Variants in DLGAP2 observed in about 807,000 individuals in gnomAD.
DLGAP2 encodes the protein disks large-associated protein 2.
In DLGAP2, 26 loss-of-function variants were observed where a neutral mutation model predicts 100.3. The ratio of observed to expected loss-of-function variants is 0.26; its 90% CI spans 0.19 to 0.36. The LOEUF is 0.36. Among genes scored for constraint, DLGAP2 ranks in the 10% least tolerant of loss-of-function variants. The pLI, the probability that DLGAP2 is intolerant of heterozygous loss-of-function variation, is 1.00. For missense variants in DLGAP2, 1,858 were observed against 1,453.2 expected (o/e 1.28, Z -4.53); for synonymous variants, 886 against 630.1 (o/e 1.41, Z -6.08).
intron 1 of DLGAP2, among the ~76,000 whole-genome samples, chr8:859,584 C>T (rs1563067450): frequency 3.3e-5 from 5 of 152,304 alleles, no homozygotes; most frequent in Non-Finnish European, 5.9e-5. Flanking sequence ...CTGCCCAAAC[C>T]TGCTGGGGGA....
chr8:1,165,767 T>G (rs1406300670), intron 2 of DLGAP2, among the ~76,000 whole-genome samples: 1 of 152,212 alleles, frequency 6.6e-6, no homozygotes, highest in Non-Finnish European at 1.5e-5. Context: ...AACTCTAAAA[T>G]TTTACAGTTT....
intron 3 of DLGAP2, among the ~76,000 whole-genome samples, chr8:1,382,942 G>C (rs189001569): frequency 6.1e-4 from 93 of 152,236 alleles, no homozygotes; most frequent in African/African-American, 2.2e-3. Flanking sequence ...TGTGTGTAGA[G>C]AGAGACCCTA....
chr8:1,241,144 A>G lies in DLGAP2; in HGVS notation c.74-17707A>G, dbSNP rs1324608449. 4.4e-4 allele frequency among the ~76,000 whole-genome samples: 48 copies of G among 109,338 alleles called. 6 individuals are homozygous for G. The highest frequency in any genetic ancestry group is 8.9e-4 in the African/African-American group (24 of 27,090). The allele number at this position is 109,338 out of a possible 152,430, so 71.7% of individuals were successfully genotyped here. On this transcript the variant is annotated intron_variant, in intron 2 of 14. Transcript: ENST00000637795. ...GCATGGCGCCGTGTCTAGTTCTCTCACGTGGTGCCATGTCTAGTTCTCTCA... is the reference window on the plus strand; with the variant it reads ...GCATGGCGCCGTGTCTAGTTCTCTCGCGTGGTGCCATGTCTAGTTCTCTCA...
chr8:1,090,018 C>T (rs1473596778), intron 2 of DLGAP2, among the ~76,000 whole-genome samples: 2 of 151,138 alleles, frequency 1.3e-5, no homozygotes, highest in Non-Finnish European at 3.0e-5. Context: ...ACTCTGGAGC[C>T]CTCCTGGCCA....
At chr8:1,142,767 G>T (rs1796543624) in intron 2 of DLGAP2, among the ~76,000 whole-genome samples, 1 of 152,094 alleles carries the variant, frequency 6.6e-6, no homozygotes, top group African/African-American at 2.4e-5. Flanking sequence ...GGAGGGTGAG[G>T]GGAGGGAGGT....
intron 10 of DLGAP2, among the ~76,000 whole-genome samples, chr8:1,672,761 C>G (rs931490284): frequency 6.6e-6 from 1 of 152,208 alleles, no homozygotes; most frequent in East Asian, 1.9e-4. Context: ...ACAGGCAGGG[C>G]CGGCCACTCA....
chr8:1,284,625 T>A (rs1193118169), intron 3 of DLGAP2, among the ~76,000 whole-genome samples: 4 of 152,176 alleles, frequency 2.6e-5, no homozygotes, highest in Admixed American at 2.0e-4. Flanking sequence ...CGTTGTTTAT[T>A]CTTTATTATT....
chr8:1,003,542 T>C (rs1349818102), intron 2 of DLGAP2, among the ~76,000 whole-genome samples: 1 of 152,276 alleles, frequency 6.6e-6, no homozygotes, highest in Non-Finnish European at 1.5e-5. Context: ...CATCTCAACA[T>C]TTAGTAAGCA....
intron 1 of DLGAP2, among the ~76,000 whole-genome samples, chr8:889,808 C>T (rs1000870697): frequency 1.3e-5 from 2 of 152,362 alleles, no homozygotes; most frequent in Non-Finnish European, 2.9e-5. Flanking sequence ...CCCAGGAGTT[C>T]TGTAGGCTTA....
chr8:1,116,353 G>A (rs932589866), intron 2 of DLGAP2, among the ~76,000 whole-genome samples: 63 of 152,158 alleles, frequency 4.1e-4, no homozygotes, highest in Admixed American at 7.2e-4. Context: ...GTTGATGCCC[G>A]GAAGACTTGG....
intron 3 of DLGAP2, among the ~76,000 whole-genome samples, chr8:1,321,200 C>T (rs937847620): frequency 6.6e-6 from 1 of 151,376 alleles, no homozygotes; most frequent in African/African-American, 2.4e-5. Flanking sequence ...TGTGCACGTG[C>T]ATCCATGTGC....
At chr8:1,287,550 T>C (rs1242974562) in intron 3 of DLGAP2, among the ~76,000 whole-genome samples, 3 of 132,308 alleles carry the variant, frequency 2.3e-5, no homozygotes, top group Non-Finnish European at 4.7e-5. Flanking sequence ...TGTGTATGTG[T>C]GTGTGGTTCT....
intron 3 of DLGAP2, among the ~76,000 whole-genome samples, chr8:1,350,274 C>T (rs1422460610): frequency 1.1e-5 from 1 of 92,296 alleles, no homozygotes; most frequent in Non-Finnish European, 2.2e-5. Context: ...GTGGAACGGC[C>T]GTGCGGGTCC....
rs146708093 is a variant in DLGAP2, at chr8:1,602,125, T to A, written c.1443-24615T>A. The stretch of plus-strand genomic sequence containing the variant: ...CTTGTCAAATATGTGAATGAGAGAG[T>A]GAGTGAATGTATATGTTCTTAATGC... On this transcript the variant is annotated intron_variant, in intron 6 of 14. Transcript: ENST00000637795. Among the ~76,000 whole-genome samples, 7 of 152,140 alleles carry A rather than the reference T, an allele frequency of 4.6e-5. No homozygotes were observed. In the East Asian group the frequency reaches 1.4e-3, roughly 29 times the overall value.
At chr8:1,150,246 A>G (rs1354192476) in intron 2 of DLGAP2, among the ~76,000 whole-genome samples, 20 of 152,232 alleles carry the variant, frequency 1.3e-4, no homozygotes, top group African/African-American at 4.8e-4. Flanking sequence ...TCTCAGCTCT[A>G]GAACTGTAAG....
intron 2 of DLGAP2, among the ~76,000 whole-genome samples, chr8:1,241,609 A>G (rs759932771): frequency 1.3e-5 from 2 of 151,570 alleles, no homozygotes; most frequent in Non-Finnish European, 2.9e-5. Flanking sequence ...GAGACTTTTC[A>G]CTCCACACTG....
chr8:1,630,311 G>A (rs947167968), intron 7 of DLGAP2, among the ~76,000 whole-genome samples: 3 of 152,204 alleles, frequency 2.0e-5, no homozygotes, highest in Admixed American at 6.5e-5. Context: ...CTGGAAGGAA[G>A]GGGACAGTGC....
chr8:1,216,102 GT>G (rs1475851635), intron 2 of DLGAP2, among the ~76,000 whole-genome samples: 1 of 152,196 alleles, frequency 6.6e-6, no homozygotes, highest in Admixed American at 6.5e-5. Flanking sequence ...GTGAAAGGAG[GT>G]TCTGTTTTCT....
chr8:1,344,957 C>G (rs1801520913), intron 3 of DLGAP2, among the ~76,000 whole-genome samples: 1 of 152,222 alleles, frequency 6.6e-6, no homozygotes. Flanking sequence ...TCACCAGGCA[C>G]TACCAGAGGG....
Sources: gnomAD v4.1 joint callset for allele counts (sites outside exome capture counted in the v4.1 genomes callset) on GRCh38, gnomAD v4.1.1 for gene constraint, MANE v1.5 for transcripts, NCBI Gene and HGNC (gene_info 2026-07-23, HGNC 2026-07-21) for gene names.